Variants in GSTA4 observed in about 807,000 individuals in gnomAD.
GSTA4 encodes the protein glutathione S-transferase A4.
In GSTA4, 15 loss-of-function variants were observed where a neutral mutation model predicts 24.4. The observed-to-expected ratio is 0.61, with a 90% CI of 0.41 to 0.95. The LOEUF (loss-of-function observed/expected upper bound fraction) is 0.95. Ranked by LOEUF, GSTA4 falls within the 40% of genes least tolerant of loss-of-function variation. The pLI, the probability that GSTA4 is intolerant of heterozygous loss-of-function variation, is 0.00. For missense variants in GSTA4, 244 were observed against 262.1 expected (o/e 0.93, Z 0.48); for synonymous variants, 92 against 94.2 (o/e 0.98, Z 0.13).
intron 5 of GSTA4, among the ~76,000 whole-genome samples, chr6:52,984,129 G>T (rs1763505179): frequency 6.6e-6 from 1 of 152,234 alleles, no homozygotes; most frequent in Non-Finnish European, 1.5e-5. Flanking sequence ...TTGAATGAAT[G>T]AATGAGGTAG....
In GSTA4 at chr6:52,982,602, T is replaced by C. The variant is rs1581908752; in HGVS notation, c.518A>G (p.Asn173Ser). 4 of 1,610,252 alleles carry C rather than the reference T, an allele frequency of 2.5e-6. No homozygotes were observed. In the East Asian group the frequency reaches 6.7e-5, roughly 27 times the overall value. Residue 173 changes from asparagine to serine, a missense_variant, in exon 6 of 7, where the codon AAT becomes AGT. By Grantham distance (46) the Asn-to-Ser change is conservative. Transcript: ENST00000370963. ...GAGGAAAGGAAATGCAGACAGGATA[T>C]TAGGAATTTTCTCTTCTAGAGCTAA... ...TILALEEKIPNILSAFPFLQE... is the reference protein window; with the variant it reads ...TILALEEKIPSILSAFPFLQE...
chr6:52,988,880 G>A (rs1418339433), intron 2 of GSTA4, among the ~76,000 whole-genome samples: 1 of 152,146 alleles, frequency 6.6e-6, no homozygotes, highest in Non-Finnish European at 1.5e-5. Context: ...TGTCAGAGGC[G>A]TGTGAACCAG....
In GSTA4 at chr6:52,982,612, T is replaced by C; in HGVS notation, c.508A>G (p.Lys170Glu). Reference sequence around the variant, plus strand: ...AATGCAGACAGGATATTAGGAATTTTCTCTTCTAGAGCTAAAATGGTTTGG... The same window carrying C: ...AATGCAGACAGGATATTAGGAATTTCCTCTTCTAGAGCTAAAATGGTTTGG... ...LLQTILALEE[K>E]IPNILSAFPF... Residue 170 changes from lysine (K) to glutamate (E), a missense_variant, in exon 6 of 7, where the codon AAA (lysine) becomes GAA (glutamate). Physicochemically the swap from Lys to Glu is moderately conservative, Grantham distance 56. Transcript: ENST00000370963. 6.2e-7 allele frequency: 1 copy of C among 1,610,336 alleles called. No individual in the cohort carries two copies.
At chr6:52,987,899 A>G (rs1763593413) in intron 2 of GSTA4, 1 of 152,454 alleles carries the variant, frequency 6.6e-6, no homozygotes, top group Non-Finnish European at 1.5e-5. Context: ...TATCAAATGT[A>G]TTCCCCAAAT....
chr6:52,985,593 G>T lies in GSTA4; in HGVS notation c.140-10C>A. On this transcript the variant is annotated splice_polypyrimidine_tract_variant and intron_variant, in intron 3 of 6. Coordinates refer to ENST00000370963, the MANE Select transcript of GSTA4 (RefSeq NM_001512.4). Reference sequence around the variant, plus strand: ...AACAGCAGGTGGTTACCTGAGAATGGAAGCCCAGAGTTAGAAGTGATCTTT... The same window carrying T: ...AACAGCAGGTGGTTACCTGAGAATGTAAGCCCAGAGTTAGAAGTGATCTTT... The T allele has an allele frequency of 6.2e-7, 1 of 1,613,778 alleles. No individual in the cohort carries two copies.
intron 2 of GSTA4, among the ~76,000 whole-genome samples, chr6:52,993,549 C>T (rs45533742): frequency 1.3e-5 from 2 of 152,228 alleles, no homozygotes; most frequent in Admixed American, 6.5e-5. Flanking sequence ...TTGAGGAACT[C>T]CCAGATGAAA....
chr6:52,994,108 G>T (rs375899410), intron 2 of GSTA4, 49 bp downstream of exon 2: 10 of 1,207,854 alleles, frequency 8.3e-6, no homozygotes, highest in East Asian at 2.3e-5. Context: ...TCTTTCAAAG[G>T]TCTCAAAAGC....
At chr6:52,982,496 C>T in intron 6 of GSTA4, 78 bp downstream of exon 6, 1 of 1,098,016 alleles carries the variant, frequency 9.1e-7, no homozygotes, top group Non-Finnish European at 1.3e-6. Context: ...ACACACTCCC[C>T]AAAGCCAACC....
rs921815543 is a variant in GSTA4, at chr6:52,992,569, A to T, written c.87+1588T>A. Among the ~76,000 whole-genome samples, 15 of 152,334 alleles carry T rather than the reference A, an allele frequency of 9.8e-5. No individual in the cohort carries two copies. In the South Asian group the frequency reaches 2.9e-3, roughly 29 times the overall value. On this transcript the variant is annotated intron_variant, in intron 2 of 6. Transcript: ENST00000370963. ...TTGATACGTAACCCCTAATATGATG[A>T]CGTGAACATACTTCACCTCTGTGGC...
At chr6:52,978,688 A>G (rs1402372025) in intron 6 of GSTA4, 96 bp from the exon 7 acceptor site, 13 of 753,736 alleles carry the variant, frequency 1.7e-5, no homozygotes, top group East Asian at 8.0e-5. Context: ...AATTTGTTCA[A>G]TAAATACTTG....
chr6:52,993,920 A>G (rs1763711198), intron 2 of GSTA4: 1 of 591,744 alleles, frequency 1.7e-6, no homozygotes, highest in Non-Finnish European at 3.1e-6. Flanking sequence ...ATAAATATTC[A>G]CTGGTGCTAG....
At chr6:52,979,960 T>C (rs1266560656) in intron 6 of GSTA4, among the ~76,000 whole-genome samples, 1 of 152,244 alleles carries the variant, frequency 6.6e-6, no homozygotes, top group African/African-American at 2.4e-5. Flanking sequence ...TTTTTGTGAC[T>C]TTTTAAATCC....
chr6:52,982,703 A>C lies in GSTA4; in HGVS notation c.417T>G (p.Ile139Met), dbSNP rs757039621. 2.5e-6 allele frequency: 4 copies of C among 1,610,994 alleles called. No individual in the cohort carries two copies. The highest frequency in any genetic ancestry group is 3.4e-6 in the Non-Finnish European group (4 of 1,177,496). Reference sequence around the variant, plus strand: ...GAAAGCTTTGTCCGTGACCCCTTAAAATCTGTAGGGAAATGGTGTGCATCA... The same window carrying C: ...GAAAGCTTTGTCCGTGACCCCTTAACATCTGTAGGGAAATGGTGTGCATCA... ...IIRYFPVFEK[I>M]LRGHGQSFLV... The change falls in exon 6 of 7, where the codon ATT becomes ATG. Residue 139 changes from isoleucine to methionine, a missense_variant and splice_region_variant. By Grantham distance (10) the Ile-to-Met change is conservative. Coordinates refer to ENST00000370963, the MANE Select transcript of GSTA4 (RefSeq NM_001512.4).
chr6:52,980,717 C>T (rs932328496), intron 6 of GSTA4, among the ~76,000 whole-genome samples: 5 of 152,202 alleles, frequency 3.3e-5, no homozygotes, highest in African/African-American at 4.8e-5. Flanking sequence ...AGAAACCACA[C>T]AGTCTAGTGG....
intron 6 of GSTA4, among the ~76,000 whole-genome samples, chr6:52,981,018 A>T (rs909510945): frequency 2.6e-5 from 4 of 152,190 alleles, no homozygotes; most frequent in African/African-American, 4.8e-5. Context: ...ACAGTGCAAA[A>T]GAATACTTCA....
chr6:52,994,349 A>C, intron 1 of GSTA4, 88 bp from the exon 2 acceptor site: 1 of 635,980 alleles, frequency 1.6e-6, no homozygotes, highest in South Asian at 2.0e-5. Flanking sequence ...ATGAATATTC[A>C]GGATTTTGGC....
At position 52,978,156 on chromosome 6, in the gene GSTA4, G is replaced by A. The variant is rs1290400871; in HGVS notation, c.*314C>T. On this transcript the variant is annotated 3_prime_UTR_variant, in exon 7 of 7. Coordinates refer to ENST00000370963, the MANE Select transcript of GSTA4 (RefSeq NM_001512.4). ...GCTCAGGAGAGTAGAAAGACACTCA[G>A]GAGAGAACAAGAGATCCTGCCCATT... is the stretch of plus-strand genomic sequence containing the variant. The A allele has an allele frequency of 3.5e-6, 1 of 289,794 alleles. No individual in the cohort carries two copies. Among genetic ancestry groups the A allele is most frequent in the East Asian group, 1.1e-4 (1 of 8,862 alleles). 18.0% of individuals were successfully genotyped at this position (289,794 alleles called of 1,614,324 possible). A position where few individuals can be genotyped will look rare whatever the true frequency, so the allele number is the denominator to read the frequency against.
chr6:52,978,317 T>C lies in GSTA4; in HGVS notation c.*153A>G. 1 of 743,798 alleles carries C rather than the reference T, an allele frequency of 1.3e-6. No homozygotes were observed. Among genetic ancestry groups the C allele is most frequent in the South Asian group, 1.8e-5 (1 of 56,284 alleles). 46.1% of individuals were successfully genotyped at this position (743,798 alleles called of 1,614,324 possible). A position where few individuals can be genotyped will look rare whatever the true frequency, so the allele number is the denominator to read the frequency against. On this transcript the variant is annotated 3_prime_UTR_variant, in exon 7 of 7. Transcript: ENST00000370963. ...ACTGGACAAAAAAGGTTGATATTTC[T>C]AGAAGAGATGATCTCGTTGACACAA... is the stretch of plus-strand genomic sequence containing the variant.
chr6:52,994,768 C>T (rs1763736709), intron 1 of GSTA4, among the ~76,000 whole-genome samples: 2 of 152,216 alleles, frequency 1.3e-5, no homozygotes, highest in South Asian at 2.1e-4. Flanking sequence ...GCAAAATGTG[C>T]GTCCACCGTC....
Sources: allele counts gnomAD v4.1 joint callset (sites outside exome capture counted in the v4.1 genomes callset), GRCh38; gene constraint gnomAD v4.1.1; transcripts MANE v1.5; gene names NCBI Gene and HGNC (gene_info 2026-07-23, HGNC 2026-07-21).